Variants in PLXDC2 observed in about 807,000 individuals in gnomAD.
PLXDC2 encodes plexin domain containing 2.
Under a neutral mutation model 68.9 loss-of-function variants are expected in PLXDC2, and 40 were observed. The observed-to-expected ratio is 0.58, with a 90% CI of 0.45 to 0.76. The LOEUF (loss-of-function observed/expected upper bound fraction) is 0.76. Ranked by LOEUF, PLXDC2 falls within the 30% of genes least tolerant of loss-of-function variation. PLXDC2 has a pLI of 0.00. For missense variants in PLXDC2, 644 were observed against 661.9 expected (o/e 0.97, Z 0.30); for synonymous variants, 243 against 234.2 (o/e 1.04, Z -0.34).
Position 20,254,608 on chromosome 10 carries a change from G to T in PLXDC2, c.1473+9103G>T, listed in dbSNP as rs552868228. ...TTTATATTTCTTAGCCGAAGAAAAA[G>T]ATGGTATTCATTTTTTTATGGCCTG... On this transcript the variant is annotated intron_variant, in intron 13 of 13. Coordinates refer to ENST00000377252, the MANE Select transcript of PLXDC2 (RefSeq NM_032812.9). 7.2e-5 allele frequency among the ~76,000 whole-genome samples: 11 copies of T among 152,242 alleles called. No individual in the cohort carries two copies. In the South Asian group the frequency reaches 2.3e-3, roughly 32 times the overall value.
chr10:19,967,756 C>T (rs530490101), intron 1 of PLXDC2, among the ~76,000 whole-genome samples: 24 of 152,214 alleles, frequency 1.6e-4, no homozygotes, highest in Middle Eastern at 3.4e-3. Flanking sequence ...GCAGAGAAAA[C>T]AGTAAAAAAT....
At chr10:20,128,653 C>T (rs1026374593) in intron 4 of PLXDC2, among the ~76,000 whole-genome samples, 3 of 152,030 alleles carry the variant, frequency 2.0e-5, no homozygotes, top group Non-Finnish European at 2.9e-5. Context: ...CCAATGTGTC[C>T]GTGTTTACCC....
At chr10:20,149,929 TAATA>T (rs907941106) in intron 6 of PLXDC2, among the ~76,000 whole-genome samples, 5 of 152,164 alleles carry the variant, frequency 3.3e-5, no homozygotes, top group African/African-American at 1.2e-4. Flanking sequence ...TTCTTTTAAT[TAATA>T]GAGTTTACTT....
At chr10:20,140,286 G>A (rs181498387) in intron 4 of PLXDC2, among the ~76,000 whole-genome samples, 1,800 of 151,820 alleles carry the variant, frequency 0.012, 18 homozygotes, top group Admixed American at 0.019. Flanking sequence ...GCGACAGAGC[G>A]AGACTCCATC....
intron 12 of PLXDC2, among the ~76,000 whole-genome samples, chr10:20,233,297 G>A (rs1014610270): frequency 1.3e-4 from 19 of 151,774 alleles, no homozygotes; most frequent in African/African-American, 2.4e-4. Context: ...AAGCTGAGGC[G>A]AGAGGATCAG....
chr10:20,230,039 A>G (rs1205657091), intron 12 of PLXDC2, among the ~76,000 whole-genome samples: 1 of 152,218 alleles, frequency 6.6e-6, no homozygotes, highest in African/African-American at 2.4e-5. Flanking sequence ...AAAGGACCAT[A>G]TAACAGATGA....
intron 1 of PLXDC2, among the ~76,000 whole-genome samples, chr10:19,971,524 T>C (rs1478321832): frequency 6.6e-6 from 1 of 152,120 alleles, no homozygotes; most frequent in Non-Finnish European, 1.5e-5. Context: ...TGTACCCTGG[T>C]GAGTAAGAAG....
chr10:20,209,499 A>C (rs1424927304), intron 9 of PLXDC2, among the ~76,000 whole-genome samples: 1 of 150,312 alleles, frequency 6.7e-6, no homozygotes, highest in African/African-American at 2.5e-5. Flanking sequence ...CACATTGTGC[A>C]CATGTACCCT....
intron 1 of PLXDC2, among the ~76,000 whole-genome samples, chr10:19,966,044 A>G (rs1834242821): frequency 6.6e-6 from 1 of 151,948 alleles, no homozygotes; most frequent in Non-Finnish European, 1.5e-5. Context: ...CATTGTAATC[A>G]TCAGTATTAC....
At chr10:19,934,682 A>G (rs1425601189) in intron 1 of PLXDC2, among the ~76,000 whole-genome samples, 2 of 152,242 alleles carry the variant, frequency 1.3e-5, no homozygotes, top group African/African-American at 4.8e-5. Flanking sequence ...ATATTGTGGT[A>G]TAGTTGATTA....
At chr10:20,205,276 T>A (rs769561619) in intron 9 of PLXDC2, among the ~76,000 whole-genome samples, 58 of 152,092 alleles carry the variant, frequency 3.8e-4, no homozygotes, top group Admixed American at 3.2e-3. Flanking sequence ...TGGAAATTAG[T>A]ATAATTAATT....
At chr10:20,147,598 C>A (rs946585429) in intron 5 of PLXDC2, among the ~76,000 whole-genome samples, 186 bp from the exon 6 acceptor site, 1 of 152,104 alleles carries the variant, frequency 6.6e-6, no homozygotes, top group African/African-American at 2.4e-5. Flanking sequence ...TTAGAGAGTA[C>A]TCAATCCTTT....
chr10:19,891,800 T>G (rs1837968681), intron 1 of PLXDC2, among the ~76,000 whole-genome samples: 2 of 152,218 alleles, frequency 1.3e-5, no homozygotes, highest in African/African-American at 4.8e-5. Flanking sequence ...AAGAATTGGT[T>G]TCACCTTCAA....
intron 6 of PLXDC2, among the ~76,000 whole-genome samples, chr10:20,162,702 C>T (rs1199716046): frequency 1.3e-5 from 2 of 151,876 alleles, no homozygotes; most frequent in Non-Finnish European, 2.9e-5. Flanking sequence ...GACTGGGAAA[C>T]AGTATAATGC....
intron 1 of PLXDC2, among the ~76,000 whole-genome samples, chr10:19,910,170 A>T (rs1268196153): frequency 5.6e-4 from 8 of 14,278 alleles, no homozygotes; most frequent in Non-Finnish European, 1.1e-3. Flanking sequence ...GTACACTTTT[A>T]TATATATATA....
intron 6 of PLXDC2, among the ~76,000 whole-genome samples, chr10:20,148,806 T>C (rs1011089213): frequency 7.2e-5 from 11 of 152,174 alleles, no homozygotes; most frequent in African/African-American, 2.7e-4. Context: ...GAGAATTGAA[T>C]CCTAGATTAT....
chr10:20,164,661 A>C, intron 7 of PLXDC2, 94 bp downstream of exon 7: 1 of 914,398 alleles, frequency 1.1e-6, no homozygotes. Context: ...AATTAAAAAA[A>C]AAATAGCTAA....
intron 3 of PLXDC2, among the ~76,000 whole-genome samples, chr10:20,060,622 G>T (rs1376220339): frequency 6.6e-6 from 1 of 152,080 alleles, no homozygotes; most frequent in African/African-American, 2.4e-5. Context: ...TGTTAGCCCA[G>T]TTCCTGTTAT....
intron 4 of PLXDC2, among the ~76,000 whole-genome samples, chr10:20,093,144 A>C (rs1003651751): frequency 1.3e-5 from 2 of 152,196 alleles, no homozygotes; most frequent in African/African-American, 4.8e-5. Context: ...GTTTATAACT[A>C]TATTATTGAT....
Sources: gnomAD v4.1 joint callset for allele counts (sites outside exome capture counted in the v4.1 genomes callset) on GRCh38, gnomAD v4.1.1 for gene constraint, MANE v1.5 for transcripts, NCBI Gene and HGNC (gene_info 2026-07-23, HGNC 2026-07-21) for gene names.